Variants in PCCA observed in about 807,000 individuals in gnomAD.
PCCA encodes propionyl-CoA carboxylase subunit alpha.
PCCA carries 74 observed loss-of-function variants against 101.3 expected under a neutral mutation model. The ratio of observed to expected loss-of-function variants is 0.73; its 90% CI spans 0.61 to 0.89. The LOEUF (loss-of-function observed/expected upper bound fraction) is 0.89, where lower values mean the gene tolerates loss of function less well. Ranked by LOEUF, PCCA falls within the 40% of genes least tolerant of loss-of-function variation. The pLI is 0.00. For synonymous variants in PCCA, 294 were observed against 313.6 expected, an observed-to-expected ratio of 0.94 and a Z score of 0.66; for missense variants, 891 against 907.0, an observed-to-expected ratio of 0.98 and a Z score of 0.23.
intron 18 of PCCA, among the ~76,000 whole-genome samples, chr13:100,366,807 A>G (rs2075210693): frequency 6.6e-6 from 1 of 151,692 alleles, no homozygotes; most frequent in Non-Finnish European, 1.5e-5. Flanking sequence ...TTTTACTTTT[A>G]TTTTTACTTC....
chr13:100,406,393 A>G (rs1019962115), intron 19 of PCCA, among the ~76,000 whole-genome samples: 13 of 152,184 alleles, frequency 8.5e-5, no homozygotes, highest in African/African-American at 2.9e-4. Context: ...ACCTTACTTA[A>G]TTATTAAAGT....
At chr13:100,433,894 A>G (rs990094402) in intron 20 of PCCA, among the ~76,000 whole-genome samples, 1 of 152,250 alleles carries the variant, frequency 6.6e-6, no homozygotes, top group African/African-American at 2.4e-5. Flanking sequence ...TTTATGTGAC[A>G]TGAGAGTCTT....
At chr13:100,288,862 C>T (rs977648736) in intron 12 of PCCA, among the ~76,000 whole-genome samples, 3 of 150,592 alleles carry the variant, frequency 2.0e-5, no homozygotes, top group Non-Finnish European at 4.4e-5. Flanking sequence ...CTTTCTTTTC[C>T]TCATTGTAAT....
At chr13:100,129,770 G>A (rs917765426) in intron 4 of PCCA, among the ~76,000 whole-genome samples, 6 of 152,148 alleles carry the variant, frequency 3.9e-5, no homozygotes, top group South Asian at 2.1e-4. Context: ...CAGGCCAAGG[G>A]CAGTTCCTCT....
intron 20 of PCCA, among the ~76,000 whole-genome samples, chr13:100,438,232 G>A (rs958262164): frequency 6.6e-6 from 1 of 151,610 alleles, no homozygotes; most frequent in Non-Finnish European, 1.5e-5. Context: ...ATGGCTCACT[G>A]CAGCCTCAAC....
At chr13:100,173,802 C>T (rs996132100) in intron 6 of PCCA, among the ~76,000 whole-genome samples, 1 of 152,110 alleles carries the variant, frequency 6.6e-6, no homozygotes, top group Admixed American at 6.6e-5. Context: ...TCATGGGGGG[C>T]AGGTTTCTCC....
intron 6 of PCCA, among the ~76,000 whole-genome samples, chr13:100,187,541 G>A (rs1008540617): frequency 1.3e-5 from 2 of 152,102 alleles, no homozygotes; most frequent in African/African-American, 4.8e-5. Flanking sequence ...TTTAAAGAAT[G>A]TATTTTTTAA....
At chr13:100,430,798 T>C (rs1368888991) in intron 20 of PCCA, among the ~76,000 whole-genome samples, 2 of 152,162 alleles carry the variant, frequency 1.3e-5, no homozygotes, top group Non-Finnish European at 2.9e-5. Flanking sequence ...CCAGGTGGGT[T>C]TCTCTGTGTG....
intron 6 of PCCA, among the ~76,000 whole-genome samples, chr13:100,196,014 A>C (rs918748627): frequency 6.6e-6 from 1 of 152,184 alleles, no homozygotes; most frequent in Non-Finnish European, 1.5e-5. Flanking sequence ...GAAAACACTA[A>C]CATACTTTAA....
chr13:100,488,190 T>G (rs1435243463), intron 21 of PCCA, among the ~76,000 whole-genome samples: 3 of 152,114 alleles, frequency 2.0e-5, no homozygotes, highest in Non-Finnish European at 4.4e-5. Flanking sequence ...GCCCCCCAGG[T>G]TCAAGTGATT....
At chr13:100,355,957 AAATT>A (rs2073918276) in intron 18 of PCCA, among the ~76,000 whole-genome samples, 1 of 152,204 alleles carries the variant, frequency 6.6e-6, no homozygotes, top group Non-Finnish European at 1.5e-5. Flanking sequence ...CTCCAGAAAT[AAATT>A]GTTATATTTA....
At chr13:100,488,208 C>T (rs1191150522) in intron 21 of PCCA, among the ~76,000 whole-genome samples, 1 of 152,162 alleles carries the variant, frequency 6.6e-6, no homozygotes, top group Non-Finnish European at 1.5e-5. Flanking sequence ...ATTCTCATGT[C>T]TCAGCCTCCC....
intron 12 of PCCA, among the ~76,000 whole-genome samples, chr13:100,296,642 C>T (rs944706007): frequency 1.3e-5 from 2 of 152,164 alleles, no homozygotes; most frequent in Non-Finnish European, 2.9e-5. Context: ...ACACTTCACT[C>T]ATATTTACCA....
At chr13:100,331,734 T>C (rs1443871100) in intron 17 of PCCA, among the ~76,000 whole-genome samples, 2 of 152,124 alleles carry the variant, frequency 1.3e-5, no homozygotes, top group Non-Finnish European at 2.9e-5. Context: ...AAATACAAAA[T>C]AAAATACAAC....
At chr13:100,409,407 G>A (rs1206783521) in intron 19 of PCCA, among the ~76,000 whole-genome samples, 1 of 152,142 alleles carries the variant, frequency 6.6e-6, no homozygotes, top group Non-Finnish European at 1.5e-5. Flanking sequence ...TTGAATGGGA[G>A]TAAGGCAGGG....
At position 100,348,718 on chromosome 13, in the gene PCCA, G is replaced by T. The variant is rs577010737; in HGVS notation, c.1643+8459G>T. On this transcript the variant is annotated intron_variant, in intron 18 of 23. Transcript: ENST00000376285. ...TCTTGAGAATCAGCTTTTACTTTCCGTTTTTTTTCCTTTCTTTCTTTCTTT... is the reference window on the plus strand; with the variant it reads ...TCTTGAGAATCAGCTTTTACTTTCCTTTTTTTTTCCTTTCTTTCTTTCTTT... Among the ~76,000 whole-genome samples, 432 of 147,566 alleles carry T rather than the reference G, an allele frequency of 2.9e-3. 3 individuals are homozygous for T. Among genetic ancestry groups the T allele is most frequent in the Non-Finnish European group, 3.1e-3 (207 of 66,962 alleles).
chr13:100,328,648 T>G (rs1233653576), intron 16 of PCCA, among the ~76,000 whole-genome samples: 1 of 151,140 alleles, frequency 6.6e-6, no homozygotes, highest in Non-Finnish European at 1.5e-5. Flanking sequence ...CATTTGGAGT[T>G]AATTTTTTGT....
intron 18 of PCCA, among the ~76,000 whole-genome samples, chr13:100,342,275 G>GTTTTT (rs2071486157): frequency 6.6e-6 from 1 of 151,670 alleles, no homozygotes; most frequent in Non-Finnish European, 1.5e-5. Flanking sequence ...TTTTGTTTTT[G>GTTTTT]TTTTTTGAGA....
intron 19 of PCCA, among the ~76,000 whole-genome samples, chr13:100,419,236 C>A (rs936263177): frequency 9.9e-5 from 15 of 152,054 alleles, no homozygotes; most frequent in Admixed American, 2.6e-4. Context: ...CTTTGGGAGG[C>A]CGAGGTGGGT....
Sources: allele counts gnomAD v4.1 joint callset (sites outside exome capture counted in the v4.1 genomes callset), GRCh38; gene constraint gnomAD v4.1.1; transcripts MANE v1.5; gene names NCBI Gene and HGNC (gene_info 2026-07-23, HGNC 2026-07-21).